MDGA2: variants seen among roughly 807,000 people sequenced by gnomAD.
The protein encoded by MDGA2 is MAM domain-containing glycosylphosphatidylinositol anchor protein 2.
MDGA2 carries 40 observed loss-of-function variants against 117.8 expected under a neutral mutation model. The observed-to-expected ratio is 0.34, with a 90% CI of 0.26 to 0.44. MDGA2 has a LOEUF of 0.44. Among genes scored for constraint, MDGA2 ranks in the 20% least tolerant of loss-of-function variants. The probability of loss-of-function intolerance (pLI) is 1.00; values close to 1 mark genes in which losing one functional copy is unlikely to be tolerated. For missense variants in MDGA2, 1,123 were observed against 1,250.6 expected (o/e 0.90, Z 1.54); for synonymous variants, 452 against 439.0 (o/e 1.03, Z -0.37).
At chr14:46,945,040 AC>A (rs1885124079) in intron 9 of MDGA2, among the ~76,000 whole-genome samples, 1 of 152,098 alleles carries the variant, frequency 6.6e-6, no homozygotes, top group Admixed American at 6.6e-5. Flanking sequence ...TGTTTAATGA[AC>A]ATTATGAAGA....
intron 1 of MDGA2, among the ~76,000 whole-genome samples, chr14:47,566,194 G>A (rs914414356): frequency 3.9e-5 from 6 of 152,206 alleles, no homozygotes; most frequent in Non-Finnish European, 5.9e-5. Flanking sequence ...GTAGGCTGGT[G>A]TGTGTCAGCA....
Position 46,940,473 on chromosome 14 carries a change from T to A in MDGA2, c.2089+16901A>T, listed in dbSNP as rs773168597. 3.1e-4 allele frequency among the ~76,000 whole-genome samples: 47 copies of A among 151,212 alleles called. No homozygotes were observed. The Middle Eastern group carries it at 0.024, about 77-fold the overall frequency. ...GTGAAACCTGGTCTCTACAAAAACA[T>A]AAAAACTGGCCAGGCATGATGGCGG... On this transcript the variant is annotated intron_variant, in intron 9 of 16. Coordinates refer to ENST00000399232, the MANE Select transcript of MDGA2 (RefSeq NM_001113498.3).
intron 1 of MDGA2, among the ~76,000 whole-genome samples, chr14:47,388,537 T>C (rs1448191203): frequency 6.6e-6 from 1 of 152,198 alleles, no homozygotes; most frequent in Admixed American, 6.6e-5. Context: ...AGTTCATCTA[T>C]CTTAACTGGT....
At chr14:46,862,720 TA>T (rs1881562736) in intron 14 of MDGA2, among the ~76,000 whole-genome samples, 1 of 152,038 alleles carries the variant, frequency 6.6e-6, no homozygotes, top group South Asian at 2.1e-4. Flanking sequence ...ACATTTCATG[TA>T]AAATGAGGAT....
chr14:47,427,920 C>A (rs1892724055), intron 1 of MDGA2, among the ~76,000 whole-genome samples: 1 of 152,094 alleles, frequency 6.6e-6, no homozygotes, highest in Non-Finnish European at 1.5e-5. Flanking sequence ...TAGTCTAGAT[C>A]TATGGATTAG....
chr14:47,180,941 TAAAAC>T (rs1221125799), intron 3 of MDGA2, among the ~76,000 whole-genome samples: 2 of 151,718 alleles, frequency 1.3e-5, no homozygotes, highest in African/African-American at 4.8e-5. Flanking sequence ...AACAAAAAAA[TAAAAC>T]AAACAAAAAC....
intron 8 of MDGA2, among the ~76,000 whole-genome samples, chr14:47,034,503 C>T (rs1353304986): frequency 1.3e-5 from 2 of 151,882 alleles, no homozygotes; most frequent in South Asian, 2.1e-4. Context: ...TTCAGGTATG[C>T]AAATATAACA....
intron 10 of MDGA2, among the ~76,000 whole-genome samples, chr14:46,908,657 T>C (rs1883588246): frequency 6.6e-6 from 1 of 152,142 alleles, no homozygotes; most frequent in African/African-American, 2.4e-5. Context: ...TTAAACTGTA[T>C]TCCAGATCTG....
chr14:47,198,399 C>T (rs1197091448), intron 3 of MDGA2, among the ~76,000 whole-genome samples: 2 of 152,034 alleles, frequency 1.3e-5, no homozygotes, highest in Admixed American at 6.6e-5. Flanking sequence ...AGTGAAACCC[C>T]GTCTCTACTA....
chr14:47,367,519 T>A (rs1210439196), intron 1 of MDGA2, among the ~76,000 whole-genome samples: 1 of 152,202 alleles, frequency 6.6e-6, no homozygotes, highest in African/African-American at 2.4e-5. Context: ...AAATACTGTT[T>A]CGCAGGTAAC....
intron 10 of MDGA2, among the ~76,000 whole-genome samples, chr14:46,897,343 T>C (rs755504686): frequency 2.4e-4 from 37 of 152,160 alleles, no homozygotes; most frequent in Non-Finnish European, 5.1e-4. Flanking sequence ...CAAAGATTTC[T>C]TAACGCATTG....
At chr14:47,484,056 A>T (rs1894008069) in intron 1 of MDGA2, among the ~76,000 whole-genome samples, 1 of 152,212 alleles carries the variant, frequency 6.6e-6, no homozygotes, top group Admixed American at 6.5e-5. Flanking sequence ...AAACATATTC[A>T]AGGGTAAATA....
chr14:47,558,110 G>T (rs1275910182), intron 1 of MDGA2, among the ~76,000 whole-genome samples: 1 of 152,142 alleles, frequency 6.6e-6, no homozygotes, highest in Non-Finnish European at 1.5e-5. Flanking sequence ...GCAGGAAGAA[G>T]GTATGACTGA....
intron 1 of MDGA2, among the ~76,000 whole-genome samples, chr14:47,459,453 C>T (rs73260162): frequency 0.032 from 4,746 of 150,576 alleles, 254 homozygotes; most frequent in African/African-American, 0.11. Context: ...TTCAATCAGT[C>T]GTCTTCCTTC....
chr14:47,401,834 T>C (rs1348734636), intron 1 of MDGA2, among the ~76,000 whole-genome samples: 1 of 152,222 alleles, frequency 6.6e-6, no homozygotes, highest in Non-Finnish European at 1.5e-5. Flanking sequence ...TGATAAATTA[T>C]GATGTCCATT....
intron 1 of MDGA2, among the ~76,000 whole-genome samples, chr14:47,350,744 G>A (rs565357385): frequency 6.6e-6 from 1 of 152,182 alleles, no homozygotes; most frequent in Non-Finnish European, 1.5e-5. Context: ...CATTTCAATA[G>A]CTCTCAAGTA....
intron 5 of MDGA2, among the ~76,000 whole-genome samples, chr14:47,115,024 T>C (rs1181764330): frequency 2.6e-5 from 4 of 151,374 alleles, no homozygotes; most frequent in African/African-American, 7.3e-5. Context: ...TGCTTATGCT[T>C]TTACGGTATA....
At position 47,097,002 on chromosome 14, in the gene MDGA2, G is replaced by A. The variant is rs377335394; in HGVS notation, c.1047C>T (p.Ser349=). The A allele has an allele frequency of 1.4e-4, 226 of 1,613,220 alleles. 1 individual carries two copies. Among genetic ancestry groups the A allele is most frequent in the Non-Finnish European group, 1.8e-4 (210 of 1,179,512 alleles). ...EPAPSLTWVR[S]FGTLPEKTVL... is the part of the protein sequence containing the mutation. Reference sequence around the variant, plus strand: ...CAGTCTTTTCAGGCAGAGTCCCAAAGGACCTGACCCAGGTGAGAGAAGGTG... The same window carrying A: ...CAGTCTTTTCAGGCAGAGTCCCAAAAGACCTGACCCAGGTGAGAGAAGGTG... Residue 349 remains serine (S), a synonymous_variant, in exon 6 of 17, where the codon TCC becomes TCT. Transcript: ENST00000399232.
Position 47,133,206 on chromosome 14 carries a change from C to T in MDGA2, c.793-1360G>A, listed in dbSNP as rs965381644. 1.8e-4 allele frequency among the ~76,000 whole-genome samples: 28 copies of T among 151,422 alleles called. No individual in the cohort carries two copies. In the East Asian group the frequency reaches 2.1e-3, roughly 11 times the overall value. On this transcript the variant is annotated intron_variant, in intron 4 of 16. Transcript: ENST00000399232. ...ACTTACAAGAAAATATAAATGTATCCGATACAAGTATACACATAAATCTAT... is the reference window on the plus strand; with the variant it reads ...ACTTACAAGAAAATATAAATGTATCTGATACAAGTATACACATAAATCTAT...
Sources: gnomAD v4.1 joint callset for allele counts (sites outside exome capture counted in the v4.1 genomes callset) on GRCh38, gnomAD v4.1.1 for gene constraint, MANE v1.5 for transcripts, NCBI Gene and HGNC (gene_info 2026-07-23, HGNC 2026-07-21) for gene names.